ABHD2: variants seen among roughly 807,000 people sequenced by gnomAD.
ABHD2 encodes the protein monoacylglycerol lipase ABHD2.
In ABHD2, 20 loss-of-function variants were observed where a neutral mutation model predicts 48.1. The observed-to-expected ratio is 0.42, with a 90% CI of 0.29 to 0.60. ABHD2 has a LOEUF of 0.60. Ranked by LOEUF, ABHD2 falls within the 20% of genes least tolerant of loss-of-function variation. ABHD2 has a pLI of 0.24. For missense variants in ABHD2, 405 were observed against 550.9 expected (o/e 0.74, Z 2.65); for synonymous variants, 209 against 214.2 (o/e 0.98, Z 0.21).
At chr15:89,050,614 G>A in the ABHD2 span, among the ~76,000 whole-genome samples, 2 of 152,176 alleles carry the variant, frequency 1.3e-5, no homozygotes, top group Admixed American at 6.5e-5. Flanking sequence ...GTTTTTGTTG[G>A]AGCAAGGGAG....
At position 89,091,150 on chromosome 15, in the gene ABHD2, C is replaced by T. The variant is rs569177069; in HGVS notation, c.-107+2587C>T. Among the ~76,000 whole-genome samples, 6 of 151,736 alleles carry T rather than the reference C, an allele frequency of 4.0e-5. No individual in the cohort carries two copies. The highest frequency in any genetic ancestry group is 4.2e-4 in the South Asian group (2 of 4,706). On this transcript the variant is annotated intron_variant, in intron 1 of 10. Transcript: ENST00000352732. This position sits in a 1 kb window ranked among gnomAD's most constrained non-coding sequence, Gnocchi z 5.5. ...TTACTCTCACCTTCATTTCCTTTAT[C>T]GCCTGCGTGGGTCTGACAAATAGGC...
rs1269132567 is a variant in ABHD2, at chr15:89,179,592, T to C, written c.722+3597T>C. 6.6e-6 allele frequency among the ~76,000 whole-genome samples: 1 copy of C among 152,192 alleles called. No individual in the cohort carries two copies. Among genetic ancestry groups the C allele is most frequent in the Non-Finnish European group, 1.5e-5 (1 of 68,014 alleles). On this transcript the variant is annotated intron_variant, in intron 6 of 10. Transcript: ENST00000352732. The surrounding 1 kb of genome is among the most constrained non-coding windows in gnomAD (Gnocchi z 4.3). ...ATGTTATGGTGAGTTGTAGAATTAT[T>C]TCATTCTGTATGATAATGTAATAAT... is the stretch of plus-strand genomic sequence containing the variant.
Position 89,137,236 on chromosome 15 carries a change from G to C in ABHD2, c.195-14441G>C, listed in dbSNP as rs796947840. ...AAATGCAACGTGAGGAGAGAGGACT[G>C]TGCTTTGGTGTGCCTAGGGAGGATG... On this transcript the variant is annotated intron_variant, in intron 3 of 10. Coordinates refer to ENST00000352732, the MANE Select transcript of ABHD2 (RefSeq NM_152924.5). The surrounding 1 kb of genome is among the most constrained non-coding windows in gnomAD (Gnocchi z 4.8). Among the ~76,000 whole-genome samples the C allele has an allele frequency of 6.6e-6, 1 of 152,168 alleles. No homozygotes were observed. The highest frequency in any genetic ancestry group is 2.4e-5 in the African/African-American group (1 of 41,434).
In ABHD2 at chr15:89,176,845, A is replaced by G. The variant is rs2051022047; in HGVS notation, c.722+850A>G. Among the ~76,000 whole-genome samples, 1 of 152,248 alleles carries G rather than the reference A, an allele frequency of 6.6e-6. No homozygotes were observed. The highest frequency in any genetic ancestry group is 1.5e-5 in the Non-Finnish European group (1 of 68,038). On this transcript the variant is annotated intron_variant, in intron 6 of 10. Transcript: ENST00000352732. This position sits in a 1 kb window ranked among gnomAD's most constrained non-coding sequence, Gnocchi z 4.5. ...CGGGAAAGTTTAAAAACACCTCCCTATTGATCCAGTCTAATGCCAAACAGT... is the reference window on the plus strand; with the variant it reads ...CGGGAAAGTTTAAAAACACCTCCCTGTTGATCCAGTCTAATGCCAAACAGT...
At chr15:89,057,221 T>A in the ABHD2 span, among the ~76,000 whole-genome samples, 1 of 152,218 alleles carries the variant, frequency 6.6e-6, no homozygotes, top group East Asian at 1.9e-4. Context: ...GCCAGCGTGA[T>A]ACCATTTTTA....
chr15:89,078,536 G>A, the ABHD2 span, among the ~76,000 whole-genome samples: 3 of 152,114 alleles, frequency 2.0e-5, no homozygotes, highest in Admixed American at 2.0e-4. Context: ...TATTGTCCAT[G>A]TTTTTCTCTG....
chr15:89,155,841 G>A lies in ABHD2; in HGVS notation c.538+307G>A, dbSNP rs1329682118. On this transcript the variant is annotated intron_variant, in intron 5 of 10. Coordinates refer to ENST00000352732, the MANE Select transcript of ABHD2 (RefSeq NM_152924.5). This position sits in a 1 kb window ranked among gnomAD's most constrained non-coding sequence, Gnocchi z 4.9. ...GGCTGGGAGCCAGGTAGATCGGGTA[G>A]CAGAGCTCATGACCTTCAGGACTGT... Among the ~76,000 whole-genome samples the A allele has an allele frequency of 1.3e-5, 2 of 152,158 alleles. No homozygotes were observed. The highest frequency in any genetic ancestry group is 4.8e-5 in the African/African-American group (2 of 41,428).
intron 1 of ABHD2, among the ~76,000 whole-genome samples, chr15:89,101,228 T>C (rs1249029647): frequency 6.6e-6 from 1 of 152,194 alleles, no homozygotes; most frequent in Non-Finnish European, 1.5e-5. Flanking sequence ...TGAGATGTTC[T>C]TGAGACAAAT....
chr15:89,047,101 T>C, the ABHD2 span, among the ~76,000 whole-genome samples: 2 of 151,798 alleles, frequency 1.3e-5, no homozygotes, highest in Non-Finnish European at 2.9e-5. Context: ...GTTGTGTCTT[T>C]GTTCTCGTTG....
At chr15:89,083,611 G>C (rs547229977), upstream of ABHD2, among the ~76,000 whole-genome samples, 1 of 152,182 alleles carries the variant, frequency 6.6e-6, no homozygotes, top group African/African-American at 2.4e-5. This position sits in a 1 kb window ranked among gnomAD's most constrained non-coding sequence, Gnocchi z 5.1. Flanking sequence ...GAGTCACCTG[G>C]TGGGAGGGAG....
chr15:89,121,330 T>C (rs138433408), intron 3 of ABHD2, among the ~76,000 whole-genome samples: 2 of 152,292 alleles, frequency 1.3e-5, no homozygotes, highest in Non-Finnish European at 2.9e-5. Flanking sequence ...GTGGTCTTTT[T>C]AGGGGAAGGA....
chr15:89,072,118 G>A, the ABHD2 span, among the ~76,000 whole-genome samples: 2 of 152,164 alleles, frequency 1.3e-5, no homozygotes, highest in African/African-American at 4.8e-5. Flanking sequence ...AACCTCCTAT[G>A]AGCCTTGGTC....
chr15:89,183,384 A>AAAAAAATATATATATAT (rs61602174), intron 6 of ABHD2: 1 of 46,268 alleles, frequency 2.2e-5, no homozygotes. Flanking sequence ...AAAAAAAAAA[A>AAAAAAATATATATATAT]ATATATATAT....
At chr15:89,178,547 C>T (rs1036613102) in intron 6 of ABHD2, among the ~76,000 whole-genome samples, 16 of 152,324 alleles carry the variant, frequency 1.1e-4, no homozygotes, top group African/African-American at 3.1e-4. Flanking sequence ...CTTCTCCTCC[C>T]GTAGCTCACC....
rs1163035782 is a variant in ABHD2 at position 89,189,180 on chromosome 15, C to A, written c.926+877C>A. Among the ~76,000 whole-genome samples the A allele has an allele frequency of 6.6e-6, 1 of 152,168 alleles. No individual in the cohort carries two copies. The highest frequency in any genetic ancestry group is 1.5e-5 in the Non-Finnish European group (1 of 68,038). On this transcript the variant is annotated intron_variant, in intron 8 of 10. Transcript: ENST00000352732. The surrounding 1 kb of genome is among the most constrained non-coding windows in gnomAD (Gnocchi z 4.9). ...CATCATTCTCTTTAAATACGTGATC[C>A]TTTTCATTTAACAATCATTTGAGGC...
chr15:89,081,172 T>C, the ABHD2 span, among the ~76,000 whole-genome samples: 1 of 144,422 alleles, frequency 6.9e-6, no homozygotes. Context: ...GCTAATTTTT[T>C]TTTTTTTTTT....
rs1190307682 is a variant in ABHD2, at chr15:89,164,167, C to T, written c.538+8633C>T. ...TGCGATGGGAATACAGGTGTGGATT[C>T]GAGTCCCTGCCTTCAGGAAGATCCC... is the stretch of plus-strand genomic sequence containing the variant. On this transcript the variant is annotated intron_variant, in intron 5 of 10. Transcript: ENST00000352732. The surrounding 1 kb of genome is among the most constrained non-coding windows in gnomAD (Gnocchi z 5.0). 6.6e-6 allele frequency among the ~76,000 whole-genome samples: 1 copy of T among 152,064 alleles called. No homozygotes were observed. The highest frequency in any genetic ancestry group is 2.1e-4 in the South Asian group (1 of 4,824).
intron 5 of ABHD2, among the ~76,000 whole-genome samples, chr15:89,156,418 G>A (rs1171690402): frequency 1.3e-5 from 2 of 152,084 alleles, no homozygotes; most frequent in African/African-American, 2.4e-5. Flanking sequence ...ACCGCGCCCC[G>A]CCTTTTTATT....
At chr15:89,126,132 GGA>G (rs2050127548) in intron 3 of ABHD2, among the ~76,000 whole-genome samples, 3 of 152,104 alleles carry the variant, frequency 2.0e-5, no homozygotes, top group Non-Finnish European at 1.5e-5. Context: ...CTCCAAAAAA[GGA>G]GTATATGTCT....
Sources: gnomAD v4.1 joint callset for allele counts (sites outside exome capture counted in the v4.1 genomes callset) on GRCh38, gnomAD v4.1.1 for gene constraint, Gnocchi (gnomAD v3.1) non-coding constraint, MANE v1.5 for transcripts, NCBI Gene and HGNC (gene_info 2026-07-23, HGNC 2026-07-21) for gene names.